Variants in DLEC1 observed in about 807,000 individuals in gnomAD.
DLEC1 encodes the protein deleted in lung and esophageal cancer protein 1.
A neutral mutation model predicts 198.1 loss-of-function variants in DLEC1; 146 were observed. The observed-to-expected ratio is 0.74, with a 90% confidence interval of 0.64 to 0.85. The LOEUF (loss-of-function observed/expected upper bound fraction) is 0.85. Among genes scored for constraint, DLEC1 ranks in the 40% least tolerant of loss-of-function variants. The pLI is 0.00. For missense variants in DLEC1, 2,233 were observed against 2,220.0 expected (o/e 1.01, Z -0.12); for synonymous variants, 897 against 866.8 (o/e 1.03, Z -0.61).
chr3:38,064,034 T>C, intron 6 of DLEC1, 115 bp downstream of exon 6: 1 of 702,068 alleles, frequency 1.4e-6, no homozygotes, highest in Non-Finnish European at 2.3e-6. Flanking sequence ...TAGTATTTAT[T>C]GATCATTCTT....
intron 2 of DLEC1, among the ~76,000 whole-genome samples, chr3:38,046,345 C>G (rs1700886743): frequency 6.6e-6 from 1 of 152,076 alleles, no homozygotes; most frequent in Non-Finnish European, 1.5e-5. Context: ...TGGGAGGGAC[C>G]TGGTGGAAGG....
At chr3:38,097,939 C>T (rs1559445527) in intron 18 of DLEC1, 37 bp downstream of exon 18, 1 of 1,612,884 alleles carries the variant, frequency 6.2e-7, no homozygotes, top group Non-Finnish European at 8.5e-7. Flanking sequence ...GGTGCCCCCA[C>T]AATGAGCCCG....
Position 38,122,614 on chromosome 3 carries a change from C to A in DLEC1, c.*202C>A. The A allele has an allele frequency of 6.4e-7, 1 of 1,553,006 alleles. No individual in the cohort carries two copies. Among genetic ancestry groups the A allele is most frequent in the Admixed American group, 1.9e-5 (1 of 53,912 alleles). The stretch of plus-strand genomic sequence containing the variant: ...CCTCAGAGCTAACATAAAGGACAGG[C>A]CACACCACAGCAGAGACCACCACAT... On this transcript the variant is annotated 3_prime_UTR_variant, in exon 37 of 37. Transcript: ENST00000308059.
chr3:38,079,451 A>G (rs1324846671), intron 6 of DLEC1, among the ~76,000 whole-genome samples: 3 of 151,840 alleles, frequency 2.0e-5, no homozygotes, highest in Non-Finnish European at 2.9e-5. Context: ...AGAAGGGGAC[A>G]GACTTACCTT....
chr3:38,061,062 GAGTTAACC>G (rs1429665754), intron 3 of DLEC1, among the ~76,000 whole-genome samples: 1 of 152,192 alleles, frequency 6.6e-6, no homozygotes, highest in Non-Finnish European at 1.5e-5. Context: ...CATGTATTGA[GAGTTAACC>G]AGGCATTGTG....
Position 38,110,248 on chromosome 3 carries a change from G to A in DLEC1, c.3410G>A (p.Ser1137Asn), listed in dbSNP as rs1245340086. The change falls in exon 23 of 37, where the codon AGC (serine) becomes AAC (asparagine). Residue 1137 changes from serine (S) to asparagine (N), a missense_variant. Ser to Asn is a conservative substitution (Grantham distance 46, BLOSUM62 1). Transcript: ENST00000308059. Reference protein sequence around the residue: ...RFSLKFEYFGSPQNSLSKKTS... With the variant: ...RFSLKFEYFGNPQNSLSKKTS... ...TCCCTCAAGTTTGAGTATTTCGGGA[G>A]CCCCCAAAACAGCCTGAGCAAAAAG... 1 of 1,614,122 alleles carries A rather than the reference G, an allele frequency of 6.2e-7. No homozygotes were observed. Among genetic ancestry groups the A allele is most frequent in the East Asian group, 2.2e-5 (1 of 44,882 alleles).
intron 7 of DLEC1, among the ~76,000 whole-genome samples, chr3:38,084,580 G>T (rs201952644): frequency 0.18 from 18 of 102 alleles, 1 homozygote; most frequent in Admixed American, 0.6. Flanking sequence ...GTAGTAGTGG[G>T]GGGGTGGTAG....
intron 19 of DLEC1, among the ~76,000 whole-genome samples, chr3:38,107,355 T>G (rs1699618465): frequency 6.6e-6 from 1 of 152,212 alleles, no homozygotes; most frequent in Non-Finnish European, 1.5e-5. Context: ...TGGTACTATA[T>G]TTTAAATTTC....
intron 3 of DLEC1, among the ~76,000 whole-genome samples, chr3:38,060,560 T>C (rs931004366): frequency 7.3e-5 from 11 of 151,708 alleles, no homozygotes; most frequent in African/African-American, 2.7e-4. Context: ...TGAGAAGGTG[T>C]TTGGGGTGGG....
rs1380111905 is a variant in DLEC1, at chr3:38,121,601, T to C, written c.4867-27T>C. The C allele has an allele frequency of 1.9e-6, 3 of 1,606,402 alleles. No individual in the cohort carries two copies. In the Admixed American group the frequency reaches 5.0e-5, roughly 27 times the overall value. On this transcript the variant is annotated intron_variant, in intron 34 of 36. Coordinates refer to ENST00000308059, the MANE Select transcript of DLEC1 (RefSeq NM_007335.4). Reference sequence around the variant, plus strand: ...GCCCTGGCTCAGAGCCCACCCAGAATGGACAAGGTTGCCTGGTCTCCCACA... The same window carrying C: ...GCCCTGGCTCAGAGCCCACCCAGAACGGACAAGGTTGCCTGGTCTCCCACA...
chr3:38,097,070 G>A (rs538952429), intron 15 of DLEC1, 112 bp from the exon 16 acceptor site: 12 of 1,071,206 alleles, frequency 1.1e-5, no homozygotes, highest in Admixed American at 7.3e-5. Flanking sequence ...GGAATTAGCC[G>A]GGAAGTGTCA....
rs1400975947 is a variant in DLEC1, at chr3:38,039,313, C to A, written c.88C>A (p.Pro30Thr). Residue 30 changes from proline to threonine, a missense_variant, in exon 1 of 37, where the codon CCA becomes ACA. Transcript: ENST00000308059. ...GACAATGTGGGCGCCAACTTCGCCA[C>A]CAGCCGGGTCCAGCAGCCCCAGCCA... ...QGTMWAPTSP[P>T]AGSSSPSQPT... is the part of the protein sequence containing the mutation. 2 of 1,614,104 alleles carry A rather than the reference C, an allele frequency of 1.2e-6. No homozygotes were observed. The highest frequency in any genetic ancestry group is 2.7e-5 in the African/African-American group (2 of 74,942).
At chr3:38,111,994 G>A (rs752205163) in intron 24 of DLEC1, among the ~76,000 whole-genome samples, 1 of 152,166 alleles carries the variant, frequency 6.6e-6, no homozygotes, top group Non-Finnish European at 1.5e-5. Flanking sequence ...CTCCCATGGG[G>A]ACCCAGCCTC....
At position 38,117,028 on chromosome 3, in the gene DLEC1, G is replaced by A; in HGVS notation, c.4233G>A (p.Val1411=). The change falls in exon 30 of 37, where the codon GTG becomes GTA. Residue 1411 remains valine (V), a synonymous_variant. Transcript: ENST00000308059. ...STIYISFTPM[V]LSPEILHKVE... is the part of the protein sequence containing the mutation. ...TCTACATCTCCTTCACCCCTATGGT[G>A]CTCAGCCCTGAGATCCTGCACAAGG... 2 of 1,614,064 alleles carry A rather than the reference G, an allele frequency of 1.2e-6. No homozygotes were observed.
At chr3:38,087,024 A>G (rs1698492925) in intron 9 of DLEC1, among the ~76,000 whole-genome samples, 2 of 151,594 alleles carry the variant, frequency 1.3e-5, no homozygotes, top group African/African-American at 4.9e-5. Flanking sequence ...CAGTGAGCCG[A>G]GATCGCACCA....
intron 23 of DLEC1, 96 bp downstream of exon 23, chr3:38,110,377 G>A (rs1198637369): frequency 2.5e-5 from 35 of 1,427,718 alleles, no homozygotes; most frequent in Middle Eastern, 1.8e-4. Flanking sequence ...GTGGCTGGTC[G>A]GTGTGAGAGA....
intron 3 of DLEC1, among the ~76,000 whole-genome samples, chr3:38,061,665 G>A (rs1696694039): frequency 6.6e-6 from 1 of 152,058 alleles, no homozygotes; most frequent in Admixed American, 6.5e-5. Flanking sequence ...AAATTTTGTT[G>A]TTGTTTGTTT....
intron 2 of DLEC1, among the ~76,000 whole-genome samples, chr3:38,058,784 G>T (rs993625059): frequency 2.0e-5 from 3 of 152,022 alleles, no homozygotes; most frequent in Non-Finnish European, 4.4e-5. Context: ...TCTCTCTAGT[G>T]GGGGACGTTG....
intron 19 of DLEC1, chr3:38,103,107 C>T (rs1699388558): frequency 6.6e-6 from 1 of 152,264 alleles, no homozygotes; most frequent in African/African-American, 2.4e-5. Context: ...ACATTGTACT[C>T]ATGAACTAAT....
Sources: gnomAD v4.1 joint callset for allele counts (sites outside exome capture counted in the v4.1 genomes callset) on GRCh38, gnomAD v4.1.1 for gene constraint, MANE v1.5 for transcripts, NCBI Gene and HGNC (gene_info 2026-07-23, HGNC 2026-07-21) for gene names.